DUSP7: variants seen among roughly 807,000 people sequenced by gnomAD.
The protein encoded by DUSP7 is dual specificity protein phosphatase 7.
In DUSP7, 7 loss-of-function variants were observed where a neutral mutation model predicts 29.8. The observed-to-expected ratio is 0.24, with a 90% CI of 0.13 to 0.44. The LOEUF (loss-of-function observed/expected upper bound fraction) is 0.44, where lower values mean the gene tolerates loss of function less well. Ranked by LOEUF, DUSP7 falls within the 20% of genes least tolerant of loss-of-function variation. The pLI is 1.00. For missense variants in DUSP7, 400 were observed against 583.7 expected (o/e 0.69, Z 3.24); for synonymous variants, 287 against 275.4 (o/e 1.04, Z -0.42).
chr3:52,056,443 C>T lies in DUSP7; in HGVS notation c.-77G>A. 1 of 825,216 alleles carries T rather than the reference C, an allele frequency of 1.2e-6. No homozygotes were observed. Among genetic ancestry groups the T allele is most frequent in the Non-Finnish European group, 1.5e-6 (1 of 686,180 alleles). 51.1% of individuals were successfully genotyped at this position (825,216 alleles called of 1,614,324 possible). The stretch of plus-strand genomic sequence containing the variant: ...GCGCCCCGGCCGCGCGGGCCCCAGC[C>T]GCGTCTCCGGGCGCCCGCCTCCCGC... On this transcript the variant is annotated 5_prime_UTR_variant, in exon 1 of 3. Coordinates refer to ENST00000495880, the MANE Select transcript of DUSP7 (RefSeq NM_001947.4). The surrounding 1 kb of genome is among the most constrained non-coding windows in gnomAD (Gnocchi z 6.4).
intron 1 of DUSP7, among the ~76,000 whole-genome samples, chr3:52,055,462 G>A: frequency 6.6e-6 from 1 of 152,206 alleles, no homozygotes. Context: ...TCCTGATCCT[G>A]GCCTTCCAGA....
chr3:52,051,931 T>TC lies in DUSP7; in HGVS notation c.953-810dup, dbSNP rs1640128120. ...CCCACCCCTGCCACTTGCTAGACCT[T>TC]CCTCAGGAGGCCCATGTGTCAGTGA... is the stretch of plus-strand genomic sequence containing the variant. On this transcript the variant is annotated intron_variant, in intron 2 of 2. Transcript: ENST00000495880. The surrounding 1 kb of genome is among the most constrained non-coding windows in gnomAD (Gnocchi z 4.8). 6.6e-6 allele frequency: 1 copy of TC among 152,272 alleles called. No individual in the cohort carries two copies. The highest frequency in any genetic ancestry group is 6.5e-5 in the Admixed American group (1 of 15,284). The allele number at this position is 152,272 out of a possible 1,614,324, so 9.4% of individuals were successfully genotyped here. A position where few individuals can be genotyped will look rare whatever the true frequency, so the allele number is the denominator to read the frequency against.
At position 52,051,091 on chromosome 3, in the gene DUSP7, C is replaced by A. The variant is rs771016063; in HGVS notation, c.984G>T (p.Leu328=). Residue 328 remains leucine (L), a synonymous_variant, in exon 3 of 3, where the codon CTG becomes CTT. Coordinates refer to ENST00000495880, the MANE Select transcript of DUSP7 (RefSeq NM_001947.4). This position sits in a 1 kb window ranked among gnomAD's most constrained non-coding sequence, Gnocchi z 4.8. ...DEARSKKCGV[L]VHCLAGISRS... is the part of the protein sequence containing the mutation. ...GGCTGATGCCTGCCAGGCAGTGCAC[C>A]AGGACACCACACTTCTTGGAGCGGG... 1 of 1,612,016 alleles carries A rather than the reference C, an allele frequency of 6.2e-7. No individual in the cohort carries two copies. The highest frequency in any genetic ancestry group is 1.1e-5 in the South Asian group (1 of 91,082).
rs750859562 is a variant in DUSP7, at chr3:52,050,811, G to A, written c.*4C>T. On this transcript the variant is annotated 3_prime_UTR_variant, in exon 3 of 3. Coordinates refer to ENST00000495880, the MANE Select transcript of DUSP7 (RefSeq NM_001947.4). The surrounding 1 kb of genome is among the most constrained non-coding windows in gnomAD (Gnocchi z 5.0). ...CTGGTGCCATGCCCCCCGTGCACCA[G>A]GCCTCACGTGGACTCCAGCGTATTG... 1 of 1,606,826 alleles carries A rather than the reference G, an allele frequency of 6.2e-7. No individual in the cohort carries two copies. The highest frequency in any genetic ancestry group is 8.5e-7 in the Non-Finnish European group (1 of 1,174,016).
chr3:52,055,337 C>A (rs1701889462), intron 1 of DUSP7, among the ~76,000 whole-genome samples: 1 of 152,188 alleles, frequency 6.6e-6, no homozygotes, highest in East Asian at 1.9e-4. Context: ...CTGCCCCAAG[C>A]GCCTCCTAGA....
At position 52,054,156 on chromosome 3, in the gene DUSP7, C is replaced by T; in HGVS notation, c.736G>A (p.Val246Ile). The T allele has an allele frequency of 6.2e-7, 1 of 1,614,034 alleles. No homozygotes were observed. Among genetic ancestry groups the T allele is most frequent in the Non-Finnish European group, 8.5e-7 (1 of 1,179,996 alleles). ...PVPSSQPAFP[V>I]QILPYLYLGC... ...AGGTAGAGGTAGGGCAGGATCTGGA[C>T]AGGGAAGGCTGGTTGGCTGGATGGC... The change falls in exon 2 of 3, where the codon GTC becomes ATC. Residue 246 changes from valine (V) to isoleucine (I), a missense_variant. Transcript: ENST00000495880. The surrounding 1 kb of genome is among the most constrained non-coding windows in gnomAD (Gnocchi z 4.1).
At chr3:52,055,136 C>T (rs1036293795) in intron 1 of DUSP7, among the ~76,000 whole-genome samples, 1 of 152,192 alleles carries the variant, frequency 6.6e-6, no homozygotes, top group African/African-American at 2.4e-5. Flanking sequence ...CCGAGGGTGC[C>T]GCAGGCCTCC....
Position 52,056,006 on chromosome 3 carries a change from T to C in DUSP7, c.361A>G (p.Lys121Glu), listed in dbSNP as rs1459513426. ...IRSIIPNHAD[K>E]ERFATRCKAA... The stretch of plus-strand genomic sequence containing the variant: ...TTGCAGCGCGTGGCGAAGCGCTCCT[T>C]GTCGGCGTGGTTGGGGATGATGGAG... The change falls in exon 1 of 3, where the codon AAG becomes GAG. Residue 121 changes from lysine to glutamate, a missense_variant. Coordinates refer to ENST00000495880, the MANE Select transcript of DUSP7 (RefSeq NM_001947.4). The surrounding 1 kb of genome is among the most constrained non-coding windows in gnomAD (Gnocchi z 6.4). 1 of 1,588,176 alleles carries C rather than the reference T, an allele frequency of 6.3e-7. No individual in the cohort carries two copies. Among genetic ancestry groups the C allele is most frequent in the Admixed American group, 1.8e-5 (1 of 56,040 alleles).
At chr3:52,052,161 G>A (rs1301569328) in intron 2 of DUSP7, 1 of 152,242 alleles carries the variant, frequency 6.6e-6, no homozygotes, top group Non-Finnish European at 1.5e-5. Flanking sequence ...CCACAGCTGT[G>A]CCAGGGACAT....
chr3:52,053,522 T>C lies in DUSP7; in HGVS notation c.952+418A>G, dbSNP rs115116486. ...ACCTTTCAGCCCTCTTAGGTCCACA[T>C]TAAAGCCCAAAGAGGCACTATGACA... On this transcript the variant is annotated intron_variant, in intron 2 of 2. Transcript: ENST00000495880. The surrounding 1 kb of genome is among the most constrained non-coding windows in gnomAD (Gnocchi z 4.6). 3.9e-3 allele frequency: 902 copies of C among 228,958 alleles called. 15 individuals are homozygous for C. The highest frequency in any genetic ancestry group is 0.02 in the African/African-American group (873 of 44,394). The allele number at this position is 228,958 out of a possible 1,614,324, so 14.2% of individuals were successfully genotyped here.
chr3:52,056,417 G>A lies in DUSP7; in HGVS notation c.-51C>T, dbSNP rs1257792668. On this transcript the variant is annotated 5_prime_UTR_variant, in exon 1 of 3. Transcript: ENST00000495880. This position sits in a 1 kb window ranked among gnomAD's most constrained non-coding sequence, Gnocchi z 6.4. ...GGGCCGGGCAGCCCTGCCCTGGGAC[G>A]GCGCCCCGGCCGCGCGGGCCCCAGC... 3.2e-6 allele frequency: 3 copies of A among 947,320 alleles called. No individual in the cohort carries two copies. Among genetic ancestry groups the A allele is most frequent in the Non-Finnish European group, 3.8e-6 (3 of 795,602 alleles). The allele number at this position is 947,320 out of a possible 1,614,324, so 58.7% of individuals were successfully genotyped here.
At position 52,050,838 on chromosome 3, in the gene DUSP7, G is replaced by A. The variant is rs548366361; in HGVS notation, c.1237C>T (p.Leu413Phe). The A allele has an allele frequency of 6.2e-7, 1 of 1,613,506 alleles. No homozygotes were observed. The highest frequency in any genetic ancestry group is 1.1e-5 in the South Asian group (1 of 91,088). The change falls in exon 3 of 3, where the codon CTC becomes TTC. Residue 413 changes from leucine to phenylalanine, a missense_variant. By Grantham distance (22) the Leu-to-Phe change is conservative. Around this residue, in one of 4 missense-constraint regions of DUSP7, gnomAD observed 75 missense variants for 95.0 expected, o/e 0.79. Coordinates refer to ENST00000495880, the MANE Select transcript of DUSP7 (RefSeq NM_001947.4). The surrounding 1 kb of genome is among the most constrained non-coding windows in gnomAD (Gnocchi z 5.0). ...STPTNHNLFP[L>F]NTLEST ...CCTCACGTGGACTCCAGCGTATTGA[G>A]TGGGAACAGGTTGTGGTTGGTGGGC... is the stretch of plus-strand genomic sequence containing the variant.
At position 52,053,895 on chromosome 3, in the gene DUSP7, C is replaced by T. The variant is rs1313940803; in HGVS notation, c.952+45G>A. 6.2e-7 allele frequency: 1 copy of T among 1,609,584 alleles called. No individual in the cohort carries two copies. The highest frequency in any genetic ancestry group is 1.1e-5 in the South Asian group (1 of 90,948). On this transcript the variant is annotated intron_variant, in intron 2 of 2. Transcript: ENST00000495880. The surrounding 1 kb of genome is among the most constrained non-coding windows in gnomAD (Gnocchi z 4.6). ...GGGGCGCCACCCAGAGTCCTGCATACACCTTGATGCACCCACACCCCCCTG... is the reference window on the plus strand; with the variant it reads ...GGGGCGCCACCCAGAGTCCTGCATATACCTTGATGCACCCACACCCCCCTG...
chr3:52,053,690 C>CCCATGA lies in DUSP7; in HGVS notation c.952+244_952+249dup. 1.8e-6 allele frequency: 1 copy of CCCATGA among 553,692 alleles called. No individual in the cohort carries two copies. The highest frequency in any genetic ancestry group is 3.3e-6 in the Non-Finnish European group (1 of 307,598). The allele number at this position is 553,692 out of a possible 1,614,324, so 34.3% of individuals were successfully genotyped here. ...AAAACACAAGCTGGACAGCAGAGAG[C>CCCATGA]CCATGACGTGCTGTCAGCTAGGGGG... is the stretch of plus-strand genomic sequence containing the variant. On this transcript the variant is annotated intron_variant, in intron 2 of 2. Coordinates refer to ENST00000495880, the MANE Select transcript of DUSP7 (RefSeq NM_001947.4). This position sits in a 1 kb window ranked among gnomAD's most constrained non-coding sequence, Gnocchi z 4.6.
rs1006340125 is a variant in DUSP7 at position 52,049,876 on chromosome 3, A to G, written c.*939T>C. 10 of 152,258 alleles carry G rather than the reference A, an allele frequency of 6.6e-5. No homozygotes were observed. Among genetic ancestry groups the G allele is most frequent in the African/African-American group, 2.4e-4 (10 of 41,458 alleles). 9.4% of individuals were successfully genotyped at this position (152,258 alleles called of 1,614,324 possible). On this transcript the variant is annotated 3_prime_UTR_variant, in exon 3 of 3. Transcript: ENST00000495880. ...TCTTAGGGGCTGACCCCAGAGGGCT[A>G]ATGCTACTGCCTGGCAGCCCCCTGC...
At chr3:52,055,311 G>C (rs1220450742) in intron 1 of DUSP7, among the ~76,000 whole-genome samples, 6 of 152,322 alleles carry the variant, frequency 3.9e-5, no homozygotes, top group Middle Eastern at 3.4e-3. Flanking sequence ...CCAGGGCAAT[G>C]GAGCCTGCCC....
chr3:52,055,048 C>T (rs1013673515), intron 1 of DUSP7, among the ~76,000 whole-genome samples: 8 of 152,230 alleles, frequency 5.3e-5, no homozygotes, highest in African/African-American at 1.9e-4. Flanking sequence ...CTTGGACCTG[C>T]AGCGGGGGAG....
chr3:52,054,331 C>T lies in DUSP7; in HGVS notation c.561G>A (p.Glu187=). The T allele has an allele frequency of 6.4e-7, 1 of 1,561,976 alleles. No individual in the cohort carries two copies. Among genetic ancestry groups the T allele is most frequent in the South Asian group, 1.2e-5 (1 of 81,956 alleles). The change falls in exon 2 of 3, where the codon GAG becomes GAA. Residue 187 remains glutamate, a synonymous_variant. Transcript: ENST00000495880. This position sits in a 1 kb window ranked among gnomAD's most constrained non-coding sequence, Gnocchi z 4.1. ...GCGAGGAAGAGCTGTCCACGTTGGT[C>T]TCGCAGTGCTCAGAGTACTCTGTTT... ...KFQTEYSEHC[E]TNVDSSSSPS...
At position 52,053,773 on chromosome 3, in the gene DUSP7, G is replaced by A. The variant is rs1033241204; in HGVS notation, c.952+167C>T. The A allele has an allele frequency of 3.8e-5, 27 of 713,742 alleles. No individual in the cohort carries two copies. Among genetic ancestry groups the A allele is most frequent in the Admixed American group, 2.4e-4 (9 of 38,224 alleles). 44.2% of individuals were successfully genotyped at this position (713,742 alleles called of 1,614,324 possible). On this transcript the variant is annotated intron_variant, in intron 2 of 2. Transcript: ENST00000495880. This position sits in a 1 kb window ranked among gnomAD's most constrained non-coding sequence, Gnocchi z 4.6. ...ACAGGTAGAGGGGCCCAAGGGACTC[G>A]GTGACTCACAGTAGGCCTGGGTACA... is the stretch of plus-strand genomic sequence containing the variant.
Sources: allele counts gnomAD v4.1 joint callset (sites outside exome capture counted in the v4.1 genomes callset), GRCh38; gene constraint gnomAD v4.1.1; regional missense constraint gnomAD v4.1.1; non-coding constraint Gnocchi (gnomAD v3.1); transcripts MANE v1.5; gene names NCBI Gene and HGNC (gene_info 2026-07-23, HGNC 2026-07-21).